The following PRKD3 variants were observed in gnomAD, a reference collection of about 807,000 sequenced individuals.
PRKD3 encodes the protein protein kinase D3, also known as serine/threonine-protein kinase D3.
A neutral mutation model predicts 99.2 loss-of-function variants in PRKD3; 47 were observed. The ratio of observed to expected loss-of-function variants is 0.47; its 90% CI spans 0.38 to 0.60. The LOEUF (loss-of-function observed/expected upper bound fraction) is 0.60. PRKD3 is among the 20% of genes least tolerant of loss of function. The pLI, the probability that PRKD3 is intolerant of heterozygous loss-of-function variation, is 0.00. For missense variants in PRKD3, 1,019 were observed against 1,088.4 expected, an observed-to-expected ratio of 0.94 and a Z score of 0.90; for synonymous variants, 392 against 355.4, an observed-to-expected ratio of 1.10 and a Z score of -1.16.
chr2:37,271,843 A>G (rs1281919670), intron 12 of PRKD3, among the ~76,000 whole-genome samples: 1 of 152,202 alleles, frequency 6.6e-6, no homozygotes, highest in African/African-American at 2.4e-5. Flanking sequence ...AGCCTAAGGT[A>G]CTTACTAAAA....
chr2:37,290,814 A>C, intron 4 of PRKD3, 54 bp downstream of exon 4: 1 of 1,499,640 alleles, frequency 6.7e-7, no homozygotes, highest in South Asian at 1.2e-5. Flanking sequence ...GATAATAAAA[A>C]ATGCAAATGT....
chr2:37,290,178 C>T (rs1279199393), intron 4 of PRKD3, among the ~76,000 whole-genome samples: 1 of 152,180 alleles, frequency 6.6e-6, no homozygotes, highest in African/African-American at 2.4e-5. Context: ...CTGTGTCCTA[C>T]TCCTAGCAAT....
intron 4 of PRKD3, 44 bp from the exon 5 acceptor site, chr2:37,289,557 T>A (rs777376356): frequency 1.6e-5 from 24 of 1,468,088 alleles, no homozygotes; most frequent in Non-Finnish European, 2.2e-5. Flanking sequence ...TAAAAAAAAA[T>A]TTACTATTTA....
chr2:37,267,310 T>G lies in PRKD3; in HGVS notation c.1884+120A>C, dbSNP rs566151210. 6.5e-6 allele frequency: 4 copies of G among 619,898 alleles called. No homozygotes were observed. In the South Asian group the frequency reaches 7.0e-5, roughly 11 times the overall value. 38.4% of individuals were successfully genotyped at this position (619,898 alleles called of 1,614,324 possible). A position where few individuals can be genotyped will look rare whatever the true frequency, so the allele number is the denominator to read the frequency against. ...TAAAGCAAGATATTGGCAGTCCCTA[T>G]AATGCCTATATTACCATAATCTAAT... On this transcript the variant is annotated intron_variant, in intron 14 of 18. Coordinates refer to ENST00000234179, the MANE Select transcript of PRKD3 (RefSeq NM_005813.6).
At chr2:37,301,853 G>T (rs1235878098) in intron 2 of PRKD3, among the ~76,000 whole-genome samples, 1 of 152,194 alleles carries the variant, frequency 6.6e-6, no homozygotes, top group South Asian at 2.1e-4. Context: ...CTAGGGCAAT[G>T]ATCCTCAGCT....
intron 5 of PRKD3, 39 bp downstream of exon 5, chr2:37,289,317 T>A (rs1480928255): frequency 7.5e-6 from 12 of 1,599,826 alleles, no homozygotes; most frequent in Non-Finnish European, 9.4e-6. Context: ...ACACAGAGAA[T>A]AACTACTACT....
rs762333246 is a variant in PRKD3, at chr2:37,256,624, CA to C, written c.2413+37del. ...GATGTTTAGGCTTAAAACACATAGC[CA>C]AAATTTTTTTTTTTTTTTTTTTTTT... is the stretch of plus-strand genomic sequence containing the variant. On this transcript the variant is annotated intron_variant, in intron 17 of 18. Transcript: ENST00000234179. 2.2e-4 allele frequency: 292 copies of C among 1,345,584 alleles called. 1 individual carries two copies. Among genetic ancestry groups the C allele is most frequent in the Middle Eastern group, 1.3e-3 (5 of 3,864 alleles). The allele number at this position is 1,345,584 out of a possible 1,614,324, so 83.4% of individuals were successfully genotyped here.
At position 37,253,176 on chromosome 2, in the gene PRKD3, A is replaced by C. The variant is rs1226864293; in HGVS notation, c.*1T>G. 2 of 1,599,050 alleles carry C rather than the reference A, an allele frequency of 1.3e-6. No individual in the cohort carries two copies. Among genetic ancestry groups the C allele is most frequent in the African/African-American group, 2.7e-5 (2 of 74,496 alleles). On this transcript the variant is annotated 3_prime_UTR_variant, in exon 19 of 19. Transcript: ENST00000234179. The stretch of plus-strand genomic sequence containing the variant: ...CTTCCTTATTTAGGTTAGCTCAGTG[A>C]TTAAGGATCTTCTTCCATATCATCT...
intron 13 of PRKD3, chr2:37,268,300 C>T (rs1284617578): frequency 2.1e-6 from 1 of 470,760 alleles, no homozygotes; most frequent in Admixed American, 2.4e-5. Flanking sequence ...GCCAAAGGTA[C>T]CTCGGACAGT....
At chr2:37,273,976 A>G (rs1346231193) in intron 11 of PRKD3, among the ~76,000 whole-genome samples, 1 of 152,236 alleles carries the variant, frequency 6.6e-6, no homozygotes. Flanking sequence ...GATGTGAACC[A>G]TAATACTTTA....
At chr2:37,283,074 C>T (rs566067201) in intron 6 of PRKD3, among the ~76,000 whole-genome samples, 2 of 152,320 alleles carry the variant, frequency 1.3e-5, no homozygotes, top group African/African-American at 4.8e-5. Flanking sequence ...TGAGTTTCTC[C>T]AGCACAAGGC....
chr2:37,307,491 C>T (rs764487395), intron 2 of PRKD3, among the ~76,000 whole-genome samples: 1 of 152,154 alleles, frequency 6.6e-6, no homozygotes, highest in Non-Finnish European at 1.5e-5. Context: ...TGCTTATCTG[C>T]TCATTTCTAT....
intron 13 of PRKD3, 195 bp downstream of exon 13, chr2:37,269,420 T>C: frequency 1.7e-6 from 1 of 573,160 alleles, no homozygotes. Context: ...TCTGTTAATT[T>C]TTAAAGTTTG....
At chr2:37,260,044 A>G (rs1356852438) in intron 15 of PRKD3, among the ~76,000 whole-genome samples, 179 bp downstream of exon 15, 1 of 152,090 alleles carries the variant, frequency 6.6e-6, no homozygotes, top group East Asian at 1.9e-4. Flanking sequence ...ACACATCTGC[A>G]ATCCTAGATA....
chr2:37,298,261 C>T (rs531574419), intron 2 of PRKD3, among the ~76,000 whole-genome samples: 4 of 152,154 alleles, frequency 2.6e-5, no homozygotes, highest in African/African-American at 4.8e-5. Context: ...CCAGTTTTCT[C>T]AGAATCCTTC....
chr2:37,296,772 C>A (rs756566769), intron 2 of PRKD3, among the ~76,000 whole-genome samples: 1 of 151,378 alleles, frequency 6.6e-6, no homozygotes, highest in African/African-American at 2.4e-5. Context: ...TGGTGGCGGG[C>A]GCCTGTAGTC....
rs188130823 is a variant in PRKD3, at chr2:37,286,632, G to A, written c.718-263C>T. On this transcript the variant is annotated intron_variant, in intron 5 of 18. Coordinates refer to ENST00000234179, the MANE Select transcript of PRKD3 (RefSeq NM_005813.6). ...TATATTCACTGATGATTATTTGCCA[G>A]GCACATTTCAGCACTTTACAAATCA... 1.8e-3 allele frequency among the ~76,000 whole-genome samples: 279 copies of A among 152,162 alleles called. 2 individuals are homozygous for A. The highest frequency in any genetic ancestry group is 3.7e-3 in the South Asian group (18 of 4,820).
At position 37,305,907 on chromosome 2, in the gene PRKD3, C is replaced by T. The variant is rs549516532; in HGVS notation, c.288+10330G>A. Among the ~76,000 whole-genome samples the T allele has an allele frequency of 7.9e-5, 12 of 152,214 alleles. No homozygotes were observed. In the South Asian group the frequency reaches 2.5e-3, roughly 32 times the overall value. On this transcript the variant is annotated intron_variant, in intron 2 of 18. Coordinates refer to ENST00000234179, the MANE Select transcript of PRKD3 (RefSeq NM_005813.6). Reference sequence around the variant, plus strand: ...ACCACCATTCTTCTATGGAGGTGGACTTTATGACACTAGTTTCACACCTGA... The same window carrying T: ...ACCACCATTCTTCTATGGAGGTGGATTTTATGACACTAGTTTCACACCTGA...
At chr2:37,269,338 C>T in intron 13 of PRKD3, 1 of 395,408 alleles carries the variant, frequency 2.5e-6, no homozygotes, top group South Asian at 2.8e-5. Context: ...ACCATCTCCC[C>T]CCCTGCCTCC....
Sources: allele counts gnomAD v4.1 joint callset (sites outside exome capture counted in the v4.1 genomes callset), GRCh38; gene constraint gnomAD v4.1.1; transcripts MANE v1.5; gene names NCBI Gene and HGNC (gene_info 2026-07-23, HGNC 2026-07-21).